The following CNTNAP5 variants were observed in gnomAD, a reference collection of about 807,000 sequenced individuals.
The protein encoded by CNTNAP5 is contactin-associated protein-like 5.
A neutral mutation model predicts 150.2 loss-of-function variants in CNTNAP5; 72 were observed. The observed-to-expected ratio is 0.48, with a 90% CI of 0.40 to 0.58. The LOEUF (loss-of-function observed/expected upper bound fraction) is 0.58, where lower values mean the gene tolerates loss of function less well. Among genes scored for constraint, CNTNAP5 ranks in the 20% least tolerant of loss-of-function variants. The pLI is 0.00. For missense variants in CNTNAP5, 1,636 were observed against 1,626.2 expected (o/e 1.01, Z -0.10); for synonymous variants, 672 against 619.8 (o/e 1.08, Z -1.25).
At chr2:124,470,436 T>G (rs1161894394) in intron 6 of CNTNAP5, among the ~76,000 whole-genome samples, 1 of 152,186 alleles carries the variant, frequency 6.6e-6, no homozygotes, top group South Asian at 2.1e-4. Flanking sequence ...CTAGTAAATT[T>G]ATTTAAGTTT....
intron 19 of CNTNAP5, among the ~76,000 whole-genome samples, chr2:124,813,146 G>A (rs538901195): frequency 2.0e-5 from 3 of 151,022 alleles, no homozygotes; most frequent in South Asian, 2.1e-4. Flanking sequence ...GTGTGATCTC[G>A]GCTCACTGCA....
chr2:124,608,600 G>A (rs558172747), intron 11 of CNTNAP5, among the ~76,000 whole-genome samples: 15 of 152,006 alleles, frequency 9.9e-5, no homozygotes, highest in Non-Finnish European at 1.8e-4. Flanking sequence ...ACTGAACTTC[G>A]TTGTGCACTT....
At chr2:124,027,699 G>T (rs890695035) in intron 1 of CNTNAP5, among the ~76,000 whole-genome samples, 1 of 152,194 alleles carries the variant, frequency 6.6e-6, no homozygotes, top group Admixed American at 6.5e-5. Context: ...ATGAGCTTTA[G>T]TATTTTATCA....
At chr2:124,903,880 C>T (rs997884228) in intron 22 of CNTNAP5, among the ~76,000 whole-genome samples, 1 of 151,820 alleles carries the variant, frequency 6.6e-6, no homozygotes, top group Admixed American at 6.6e-5. Context: ...ATGGCGAAAC[C>T]CCATTTCTAC....
chr2:124,887,331 GTA>G lies in CNTNAP5; in HGVS notation c.3437-15550_3437-15549del, dbSNP rs570681131. Among the ~76,000 whole-genome samples, 480 of 152,144 alleles carry G rather than the reference GTA, an allele frequency of 3.2e-3. 2 individuals are homozygous for G. Among genetic ancestry groups the G allele is most frequent in the Non-Finnish European group, 5.3e-3 (358 of 67,976 alleles). ...TTTCATAATACACTTCTTCTGATTA[GTA>G]ATGCATCACAGGTGGTAGACATGTT... On this transcript the variant is annotated intron_variant, in intron 21 of 23. Coordinates refer to ENST00000682447, the MANE Select transcript of CNTNAP5 (RefSeq NM_001367498.1).
intron 1 of CNTNAP5, among the ~76,000 whole-genome samples, chr2:124,089,367 T>G (rs1450299318): frequency 6.6e-6 from 1 of 152,124 alleles, no homozygotes; most frequent in South Asian, 2.1e-4. Flanking sequence ...AAATTTTTAC[T>G]ACACTCTTGG....
At chr2:124,579,362 A>T (rs1696361439) in intron 11 of CNTNAP5, among the ~76,000 whole-genome samples, 1 of 152,220 alleles carries the variant, frequency 6.6e-6, no homozygotes, top group African/African-American at 2.4e-5. Context: ...GCTCTAAATT[A>T]CTTACTTACT....
At chr2:124,336,532 A>G (rs186812880) in intron 3 of CNTNAP5, among the ~76,000 whole-genome samples, 1 of 63,218 alleles carries the variant, frequency 1.6e-5, no homozygotes, top group Non-Finnish European at 2.8e-5. Flanking sequence ...CCCTCCCCCC[A>G]CCCCACAACA....
At chr2:124,079,500 G>A (rs911975983) in intron 1 of CNTNAP5, among the ~76,000 whole-genome samples, 10 of 133,872 alleles carry the variant, frequency 7.5e-5, no homozygotes. Flanking sequence ...TTATCTATCT[G>A]AACCCCTGAT....
chr2:124,357,966 A>G (rs1409679314), intron 3 of CNTNAP5, among the ~76,000 whole-genome samples: 12 of 149,496 alleles, frequency 8.0e-5, no homozygotes, highest in Admixed American at 4.0e-4. Flanking sequence ...ATTTGTTTGT[A>G]TCCTCTTTTA....
rs552246646 is a variant in CNTNAP5 at position 124,739,806 on chromosome 2, C to T, written c.2078-7423C>T. ...CATCATTTGCATAAAACTGTTCCCA[C>T]GACCCCTGGTGAGAAGTCATATTTT... On this transcript the variant is annotated intron_variant, in intron 13 of 23. Coordinates refer to ENST00000682447, the MANE Select transcript of CNTNAP5 (RefSeq NM_001367498.1). Among the ~76,000 whole-genome samples the T allele has an allele frequency of 5.3e-5, 8 of 152,126 alleles. No individual in the cohort carries two copies. The South Asian group carries it at 6.2e-4, about 12-fold the overall frequency.
At chr2:124,642,370 G>C (rs1191138936) in intron 12 of CNTNAP5, among the ~76,000 whole-genome samples, 2 of 152,070 alleles carry the variant, frequency 1.3e-5, no homozygotes, top group African/African-American at 4.8e-5. Context: ...CATAATACAG[G>C]CTTAAAAGAG....
intron 6 of CNTNAP5, among the ~76,000 whole-genome samples, chr2:124,459,049 T>G (rs150080136): frequency 1.3e-5 from 2 of 152,342 alleles, no homozygotes; most frequent in African/African-American, 4.8e-5. Context: ...CTGTTTCCAG[T>G]AATTTGTCCT....
Position 124,772,988 on chromosome 2 carries a change from G to C in CNTNAP5, c.2723G>C (p.Arg908Pro), listed in dbSNP as rs1005243074. ...TRETSEEGHF[R>P]LQLNSQLFVG... is the part of the protein sequence containing the mutation. The stretch of plus-strand genomic sequence containing the variant: ...GAGACGTCGGAGGAGGGCCATTTTC[G>C]ACTGCAGCTGAACAGCCAGTTGTTT... Residue 908 changes from arginine to proline, a missense_variant, in exon 17 of 24, where the codon CGA becomes CCA. Arg to Pro is a moderately radical substitution (Grantham distance 103). Transcript: ENST00000682447. The C allele has an allele frequency of 1.2e-6, 2 of 1,613,098 alleles. No homozygotes were observed. Among genetic ancestry groups the C allele is most frequent in the Admixed American group, 1.7e-5 (1 of 59,982 alleles).
chr2:124,091,318 A>G (rs1682807853), intron 1 of CNTNAP5, among the ~76,000 whole-genome samples: 1 of 152,164 alleles, frequency 6.6e-6, no homozygotes, highest in African/African-American at 2.4e-5. Context: ...AACTACGGTG[A>G]GAAAGGAGTA....
chr2:124,726,084 C>T (rs1680152662), intron 13 of CNTNAP5, among the ~76,000 whole-genome samples: 2 of 151,992 alleles, frequency 1.3e-5, no homozygotes, highest in African/African-American at 4.8e-5. Context: ...TACATTCCCA[C>T]CAAGAGTGTA....
At chr2:124,865,900 C>T (rs757962415) in intron 20 of CNTNAP5, among the ~76,000 whole-genome samples, 25 of 151,148 alleles carry the variant, frequency 1.7e-4, no homozygotes, top group East Asian at 3.9e-4. Flanking sequence ...GCAGAAATCA[C>T]GCCATTGAAC....
At chr2:124,879,999 A>G (rs887059398) in intron 21 of CNTNAP5, among the ~76,000 whole-genome samples, 5 of 152,288 alleles carry the variant, frequency 3.3e-5, no homozygotes, top group South Asian at 4.1e-4. Flanking sequence ...AGCACAGATT[A>G]GAATTCTAGG....
At chr2:124,396,041 A>G (rs1222075097) in intron 3 of CNTNAP5, among the ~76,000 whole-genome samples, 7 of 152,208 alleles carry the variant, frequency 4.6e-5, no homozygotes, top group Non-Finnish European at 5.9e-5. Context: ...CTGGCCAATG[A>G]CATTGAGCAG....
Sources: allele counts gnomAD v4.1 joint callset (sites outside exome capture counted in the v4.1 genomes callset), GRCh38; gene constraint gnomAD v4.1.1; transcripts MANE v1.5; gene names NCBI Gene and HGNC (gene_info 2026-07-23, HGNC 2026-07-21).